The following CCSER1 variants were observed in gnomAD, a reference collection of about 807,000 sequenced individuals.
The protein encoded by CCSER1 is serine-rich coiled-coil domain-containing protein 1.
A neutral mutation model predicts 82.0 loss-of-function variants in CCSER1; 41 were observed. The ratio of observed to expected loss-of-function variants is 0.50; its 90% confidence interval spans 0.39 to 0.65. The LOEUF is 0.65. Among genes scored for constraint, CCSER1 ranks in the 30% least tolerant of loss-of-function variants. The pLI is 0.00. For missense variants in CCSER1, 1,119 were observed against 1,064.2 expected, an observed-to-expected ratio of 1.05 and a Z score of -0.72; for synonymous variants, 414 against 383.9, an observed-to-expected ratio of 1.08 and a Z score of -0.92.
At chr4:90,581,908 G>A (rs994211317) in intron 5 of CCSER1, among the ~76,000 whole-genome samples, 2 of 151,866 alleles carry the variant, frequency 1.3e-5, no homozygotes, top group Non-Finnish European at 2.9e-5. Context: ...TCACAAGAGT[G>A]GTAGCAACGT....
chr4:91,429,684 G>A (rs1010556885), intron 10 of CCSER1, among the ~76,000 whole-genome samples: 7 of 151,774 alleles, frequency 4.6e-5, no homozygotes, highest in South Asian at 4.2e-4. Context: ...TTATGCACAC[G>A]ATAAATATAC....
intron 1 of CCSER1, among the ~76,000 whole-genome samples, chr4:90,183,969 C>T (rs1046762674): frequency 2.0e-5 from 3 of 152,056 alleles, no homozygotes; most frequent in African/African-American, 7.2e-5. Context: ...GTGCCCCCCT[C>T]TACAAAGAGA....
At chr4:90,842,377 T>G (rs541078084) in intron 8 of CCSER1, among the ~76,000 whole-genome samples, 1 of 152,298 alleles carries the variant, frequency 6.6e-6, no homozygotes, top group African/African-American at 2.4e-5. Context: ...CTGTTGAAAT[T>G]TGATAGAACT....
chr4:90,239,182 T>G (rs2153433293), intron 1 of CCSER1, among the ~76,000 whole-genome samples: 1 of 152,290 alleles, frequency 6.6e-6, no homozygotes, highest in African/African-American at 2.4e-5. Flanking sequence ...ACACATTTTT[T>G]GAGTAGTTGT....
At chr4:90,620,761 A>G (rs569870657) in intron 5 of CCSER1, among the ~76,000 whole-genome samples, 10 of 152,284 alleles carry the variant, frequency 6.6e-5, no homozygotes, top group Admixed American at 4.6e-4. Context: ...GAGGTAGGGA[A>G]TCCCCAAGTT....
chr4:91,057,058 T>C (rs1389628165), intron 9 of CCSER1, among the ~76,000 whole-genome samples: 1 of 152,126 alleles, frequency 6.6e-6, no homozygotes, highest in African/African-American at 2.4e-5. Flanking sequence ...TTCACCTCTG[T>C]GTCTGCACCT....
chr4:91,382,195 C>G (rs1750954004), intron 10 of CCSER1, among the ~76,000 whole-genome samples: 1 of 152,144 alleles, frequency 6.6e-6, no homozygotes, highest in Non-Finnish European at 1.5e-5. Flanking sequence ...TTAGGCCATG[C>G]TGGGAGAACC....
intron 7 of CCSER1, among the ~76,000 whole-genome samples, chr4:90,728,129 C>T (rs1343362285): frequency 6.6e-6 from 1 of 152,116 alleles, no homozygotes; most frequent in Non-Finnish European, 1.5e-5. Flanking sequence ...CCTGGAATGC[C>T]TAGAGGGATT....
At chr4:90,649,892 G>A (rs1005221322) in intron 6 of CCSER1, among the ~76,000 whole-genome samples, 2 of 152,062 alleles carry the variant, frequency 1.3e-5, no homozygotes, top group African/African-American at 2.4e-5. Flanking sequence ...GGATCACGAG[G>A]TCGGGAGTTT....
intron 1 of CCSER1, among the ~76,000 whole-genome samples, chr4:90,245,759 T>G (rs1371753983): frequency 6.6e-6 from 1 of 152,214 alleles, no homozygotes; most frequent in African/African-American, 2.4e-5. Context: ...TTCTGGTGTT[T>G]GTGAAACAAA....
At chr4:91,042,266 T>C (rs957191654) in intron 9 of CCSER1, among the ~76,000 whole-genome samples, 2 of 152,148 alleles carry the variant, frequency 1.3e-5, no homozygotes, top group African/African-American at 2.4e-5. Flanking sequence ...TGTTTGGTAG[T>C]GCATCCAGCG....
chr4:90,276,227 TTTC>T (rs1255221842), intron 1 of CCSER1, among the ~76,000 whole-genome samples: 6 of 103,040 alleles, frequency 5.8e-5, no homozygotes, highest in Admixed American at 1.1e-4. Context: ...TCTTTCTTTC[TTTC>T]TTTCTTTCTT....
At chr4:90,648,333 G>C (rs1728087693) in intron 6 of CCSER1, among the ~76,000 whole-genome samples, 1 of 151,236 alleles carries the variant, frequency 6.6e-6, no homozygotes, top group Non-Finnish European at 1.5e-5. Context: ...AAGAAAGAAA[G>C]AAAGAAAGAG....
At chr4:90,264,684 T>TA (rs1046656111) in intron 1 of CCSER1, among the ~76,000 whole-genome samples, 1 of 79,266 alleles carries the variant, frequency 1.3e-5, no homozygotes, top group Non-Finnish European at 2.3e-5. Context: ...AGCTGTCTAA[T>TA]ACACTTTTTT....
intron 10 of CCSER1, among the ~76,000 whole-genome samples, chr4:91,119,680 A>G (rs1442914770): frequency 6.6e-6 from 1 of 151,998 alleles, no homozygotes; most frequent in African/African-American, 2.4e-5. Context: ...TACTATGTAT[A>G]TAAGTATATA....
chr4:90,503,682 G>T (rs569092168), intron 5 of CCSER1, among the ~76,000 whole-genome samples: 2 of 151,932 alleles, frequency 1.3e-5, no homozygotes. Context: ...TTCTCCTTGC[G>T]ATAGTTTGCT....
intron 1 of CCSER1, among the ~76,000 whole-genome samples, chr4:90,300,420 C>T (rs1023216489): frequency 5.9e-5 from 9 of 152,100 alleles, no homozygotes; most frequent in Non-Finnish European, 8.8e-5. Flanking sequence ...GATGTAGTAT[C>T]TTCTCATTCT....
At chr4:90,456,881 A>G (rs1762235296) in intron 4 of CCSER1, among the ~76,000 whole-genome samples, 1 of 152,174 alleles carries the variant, frequency 6.6e-6, no homozygotes, top group East Asian at 1.9e-4. Flanking sequence ...TTGCTTTGCC[A>G]GCTAGAAATC....
At chr4:90,417,464 TTTAAA>T (rs200585567) in intron 4 of CCSER1, among the ~76,000 whole-genome samples, 2,698 of 152,208 alleles carry the variant, frequency 0.018, 48 homozygotes, top group African/African-American at 0.036. Flanking sequence ...CAGAAGAGTT[TTTAAA>T]TTAAATTAAA....
Sources: gnomAD v4.1 joint callset for allele counts (sites outside exome capture counted in the v4.1 genomes callset) on GRCh38, gnomAD v4.1.1 for gene constraint, MANE v1.5 for transcripts, NCBI Gene and HGNC (gene_info 2026-07-23, HGNC 2026-07-21) for gene names.